Variants in RALYL observed in about 807,000 individuals in gnomAD.
RALYL encodes RALY RNA binding protein like.
Under a neutral mutation model 35.1 loss-of-function variants are expected in RALYL, and 29 were observed. The ratio of observed to expected loss-of-function variants is 0.83; its 90% CI spans 0.61 to 1.13. The LOEUF (loss-of-function observed/expected upper bound fraction) is 1.13. Ranked by LOEUF, RALYL falls within the 50% of genes most tolerant of loss-of-function variation. RALYL has a pLI of 0.00. For synonymous variants in RALYL, 120 were observed against 127.6 expected, an observed-to-expected ratio of 0.94 and a Z score of 0.40; for missense variants, 359 against 360.4, an observed-to-expected ratio of 1.00 and a Z score of 0.03.
At chr8:84,252,670 G>A (rs1297999195) in intron 1 of RALYL, among the ~76,000 whole-genome samples, 4 of 152,054 alleles carry the variant, frequency 2.6e-5, no homozygotes, top group African/African-American at 4.8e-5. Context: ...GAAGTCTGAG[G>A]CAAGTGTGAT....
intron 2 of RALYL, among the ~76,000 whole-genome samples, chr8:84,627,038 CTG>C (rs1822885943): frequency 6.6e-6 from 1 of 152,086 alleles, no homozygotes; most frequent in Non-Finnish European, 1.5e-5. Flanking sequence ...CACATTTATA[CTG>C]CCTCTGGTAC....
chr8:84,313,199 C>T (rs1843123703), intron 1 of RALYL, among the ~76,000 whole-genome samples: 1 of 152,192 alleles, frequency 6.6e-6, no homozygotes, highest in Admixed American at 6.5e-5. Flanking sequence ...GCACTAAGTC[C>T]TCAGGCTACA....
At chr8:84,367,622 C>A (rs769423656) in intron 1 of RALYL, among the ~76,000 whole-genome samples, 24 of 151,850 alleles carry the variant, frequency 1.6e-4, no homozygotes, top group Admixed American at 5.9e-4. Flanking sequence ...AAGCATAGAC[C>A]TTTTCTATAA....
At chr8:84,775,737 A>G (rs1816689917) in intron 3 of RALYL, among the ~76,000 whole-genome samples, 1 of 152,212 alleles carries the variant, frequency 6.6e-6, no homozygotes, top group African/African-American at 2.4e-5. Flanking sequence ...TATGTTAAGT[A>G]GAATTGAGTT....
intron 1 of RALYL, among the ~76,000 whole-genome samples, chr8:84,449,271 T>A (rs1169983997): frequency 6.6e-6 from 1 of 151,992 alleles, no homozygotes; most frequent in African/African-American, 2.4e-5. Flanking sequence ...TGAGGTCCCC[T>A]TAGCAAATGG....
At chr8:84,764,623 T>C (rs1394230325) in intron 2 of RALYL, among the ~76,000 whole-genome samples, 1 of 152,158 alleles carries the variant, frequency 6.6e-6, no homozygotes, top group African/African-American at 2.4e-5. Context: ...TGGTAACAAA[T>C]GGGAATCTGG....
At chr8:84,458,923 T>C (rs919587864) in intron 1 of RALYL, among the ~76,000 whole-genome samples, 24 of 151,772 alleles carry the variant, frequency 1.6e-4, no homozygotes, top group African/African-American at 4.8e-4. Flanking sequence ...TATGTACTTT[T>C]TTATTTAAAT....
intron 2 of RALYL, among the ~76,000 whole-genome samples, chr8:84,681,942 T>G (rs1187044867): frequency 6.6e-6 from 1 of 152,120 alleles, no homozygotes; most frequent in Non-Finnish European, 1.5e-5. Context: ...ATGCTTACAG[T>G]TTTTGCCCAT....
intron 3 of RALYL, among the ~76,000 whole-genome samples, chr8:84,803,588 C>T (rs1227558444): frequency 6.6e-6 from 1 of 152,200 alleles, no homozygotes; most frequent in African/African-American, 2.4e-5. Context: ...TTGGTTTTAT[C>T]TGCTTCTACC....
intron 8 of RALYL, among the ~76,000 whole-genome samples, chr8:84,895,060 A>G (rs915829357): frequency 6.6e-6 from 1 of 152,210 alleles, no homozygotes; most frequent in African/African-American, 2.4e-5. Context: ...TAAAAGGCAC[A>G]TGCTTGGCAC....
At chr8:84,411,850 G>A (rs1656456784) in intron 1 of RALYL, among the ~76,000 whole-genome samples, 1 of 151,934 alleles carries the variant, frequency 6.6e-6, no homozygotes, top group African/African-American at 2.4e-5. Flanking sequence ...AGGGGCAGGG[G>A]CCAGACTTCC....
intron 1 of RALYL, among the ~76,000 whole-genome samples, chr8:84,348,483 A>G (rs749192813): frequency 3.3e-5 from 5 of 152,094 alleles, no homozygotes; most frequent in Admixed American, 6.6e-5. Context: ...TCCCATCAGC[A>G]TCACTTTACA....
At chr8:84,200,580 C>T (rs190329443) in intron 1 of RALYL, among the ~76,000 whole-genome samples, 5 of 152,160 alleles carry the variant, frequency 3.3e-5, no homozygotes, top group Admixed American at 3.3e-4. Context: ...TAACTGTTAA[C>T]TAAACCACAA....
chr8:84,448,767 A>C (rs2049120165), intron 1 of RALYL, among the ~76,000 whole-genome samples: 1 of 151,976 alleles, frequency 6.6e-6, no homozygotes, highest in South Asian at 2.1e-4. Flanking sequence ...ATAGCGTAAA[A>C]ATCTTGGGAT....
At chr8:84,759,049 T>A (rs1194221707) in intron 2 of RALYL, among the ~76,000 whole-genome samples, 2 of 152,168 alleles carry the variant, frequency 1.3e-5, no homozygotes, top group Non-Finnish European at 2.9e-5. Flanking sequence ...TTGTGGCCCC[T>A]TGTTCCATAT....
intron 1 of RALYL, among the ~76,000 whole-genome samples, chr8:84,196,252 A>G (rs1815248508): frequency 6.6e-6 from 1 of 152,178 alleles, no homozygotes; most frequent in Admixed American, 6.5e-5. Flanking sequence ...GGACAGTGGT[A>G]CAACTTAAAA....
At chr8:84,721,739 G>A (rs1323336744) in intron 2 of RALYL, among the ~76,000 whole-genome samples, 5 of 152,036 alleles carry the variant, frequency 3.3e-5, no homozygotes, top group Non-Finnish European at 7.4e-5. Context: ...CCAAGTCCAG[G>A]ACATACTGGC....
At chr8:84,254,701 G>A (rs991895126) in intron 1 of RALYL, among the ~76,000 whole-genome samples, 3 of 136,848 alleles carry the variant, frequency 2.2e-5, no homozygotes, top group African/African-American at 8.5e-5. Context: ...GTAATAGTTC[G>A]TTTTCACACT....
chr8:84,352,782 G>T (rs1851155660), intron 1 of RALYL, among the ~76,000 whole-genome samples: 1 of 150,200 alleles, frequency 6.7e-6, no homozygotes. Context: ...ACACACGTTT[G>T]GAAAGGTTAA....
Sources: allele counts gnomAD v4.1 joint callset (sites outside exome capture counted in the v4.1 genomes callset), GRCh38; gene constraint gnomAD v4.1.1; transcripts MANE v1.5; gene names NCBI Gene and HGNC (gene_info 2026-07-23, HGNC 2026-07-21).